INSYN2B: variants seen among roughly 807,000 people sequenced by gnomAD.
The protein encoded by INSYN2B is inhibitory synaptic factor family member 2B.
Under a neutral mutation model 41.2 loss-of-function variants are expected in INSYN2B, and 16 were observed. That is an observed-to-expected ratio of 0.39 (90% CI 0.26 to 0.59). The LOEUF (loss-of-function observed/expected upper bound fraction) is 0.59, where lower values mean the gene tolerates loss of function less well. INSYN2B is among the 20% of genes least tolerant of loss of function. INSYN2B has a pLI of 0.57. For synonymous variants in INSYN2B, 245 were observed against 244.4 expected (o/e 1.00, Z -0.02); for missense variants, 608 against 646.4 (o/e 0.94, Z 0.64).
At chr5:169,891,648 CTA>C (rs1773289208) in intron 1 of INSYN2B, among the ~76,000 whole-genome samples, 1 of 151,998 alleles carries the variant, frequency 6.6e-6, no homozygotes, top group African/African-American at 2.4e-5. Flanking sequence ...GATGGGGAAA[CTA>C]AGACTCTGAG....
At chr5:169,921,494 C>A (rs181632944) in intron 1 of INSYN2B, among the ~76,000 whole-genome samples, 1 of 152,198 alleles carries the variant, frequency 6.6e-6, no homozygotes, top group Non-Finnish European at 1.5e-5. Context: ...ACACTAAGCA[C>A]GTGGATCAAC....
intron 1 of INSYN2B, among the ~76,000 whole-genome samples, chr5:169,893,542 G>A (rs1429868677): frequency 6.6e-6 from 1 of 150,860 alleles, no homozygotes; most frequent in East Asian, 1.9e-4. Context: ...TTTTTCCTGG[G>A]GTCAAACACT....
chr5:169,975,011 T>C (rs117720451), intron 1 of INSYN2B, among the ~76,000 whole-genome samples: 47 of 152,162 alleles, frequency 3.1e-4, no homozygotes, highest in East Asian at 2.7e-3. Context: ...CCTCCAAAAG[T>C]AGGCTTCTGT....
chr5:169,875,876 G>T (rs1336073737), intron 3 of INSYN2B: 1 of 152,426 alleles, frequency 6.6e-6, no homozygotes, highest in Non-Finnish European at 1.5e-5. Flanking sequence ...CAATTATGAG[G>T]ATTTATTCTG....
chr5:169,933,247 C>T (rs181938847), intron 1 of INSYN2B, among the ~76,000 whole-genome samples: 11 of 152,356 alleles, frequency 7.2e-5, no homozygotes, highest in Admixed American at 5.9e-4. Flanking sequence ...GCTTCCCCTA[C>T]TTGGAGTGCA....
In INSYN2B at chr5:169,866,989, G is replaced by A. The variant is rs753496545; in HGVS notation, c.1422-2530C>T. Among the ~76,000 whole-genome samples, 16 of 152,282 alleles carry A rather than the reference G, an allele frequency of 1.1e-4. 1 individual carries two copies. In the South Asian group the frequency reaches 2.5e-3, roughly 24 times the overall value. Reference sequence around the variant, plus strand: ...AAGACTTCCCCCCACTTACAAGTCCGGGACCTTGGAACTTCTGACTGACTA... The same window carrying A: ...AAGACTTCCCCCCACTTACAAGTCCAGGACCTTGGAACTTCTGACTGACTA... On this transcript the variant is annotated intron_variant, in intron 3 of 3. Coordinates refer to ENST00000377365, the MANE Select transcript of INSYN2B (RefSeq NM_001129891.3).
rs545055037 is a variant in INSYN2B at position 169,863,426 on chromosome 5, T to C, written c.*847A>G. On this transcript the variant is annotated 3_prime_UTR_variant, in exon 4 of 4. Coordinates refer to ENST00000377365, the MANE Select transcript of INSYN2B (RefSeq NM_001129891.3). ...TTGCTGGATCTCATGATTTTAAATA[T>C]TGCAGGTAAGTTAACTATGGAGTCT... 6.6e-6 allele frequency among the ~76,000 whole-genome samples: 1 copy of C among 152,370 alleles called. No homozygotes were observed. Among genetic ancestry groups the C allele is most frequent in the Non-Finnish European group, 1.5e-5 (1 of 68,030 alleles).
At chr5:169,946,455 G>A (rs1776453119) in intron 1 of INSYN2B, among the ~76,000 whole-genome samples, 1 of 152,232 alleles carries the variant, frequency 6.6e-6, no homozygotes, top group African/African-American at 2.4e-5. Context: ...AAGGGCAGGA[G>A]TGTTTTGGAA....
At chr5:169,927,498 G>A (rs904086508) in intron 1 of INSYN2B, among the ~76,000 whole-genome samples, 1 of 152,188 alleles carries the variant, frequency 6.6e-6, no homozygotes, top group Non-Finnish European at 1.5e-5. Flanking sequence ...ACAGAAGGAT[G>A]TTTCATATAA....
At chr5:169,866,327 G>A (rs1349726256) in intron 3 of INSYN2B, among the ~76,000 whole-genome samples, 2 of 152,158 alleles carry the variant, frequency 1.3e-5, no homozygotes, top group East Asian at 1.9e-4. Flanking sequence ...ATGAAACATA[G>A]GCTGTGGTTT....
chr5:169,895,639 T>A (rs943957418), intron 1 of INSYN2B, among the ~76,000 whole-genome samples: 1 of 152,186 alleles, frequency 6.6e-6, no homozygotes. Flanking sequence ...CGTTACCTAT[T>A]GTAACCACAG....
intron 1 of INSYN2B, among the ~76,000 whole-genome samples, chr5:169,907,525 C>CG (rs1472066372): frequency 6.6e-6 from 1 of 152,136 alleles, no homozygotes; most frequent in Non-Finnish European, 1.5e-5. Flanking sequence ...CACCACTTAG[C>CG]GAAGACTAGT....
At chr5:169,880,150 C>T (rs908983332) in intron 3 of INSYN2B, among the ~76,000 whole-genome samples, 2 of 152,132 alleles carry the variant, frequency 1.3e-5, no homozygotes, top group African/African-American at 4.8e-5. Flanking sequence ...TCTTCCGGGG[C>T]CCTCTTTTTT....
chr5:169,870,780 C>G (rs1445128566), intron 3 of INSYN2B, among the ~76,000 whole-genome samples: 1 of 151,824 alleles, frequency 6.6e-6, no homozygotes, highest in Non-Finnish European at 1.5e-5. Context: ...AGGTTGTTGC[C>G]CATTTAAACA....
At chr5:169,867,577 A>G (rs144983053) in intron 3 of INSYN2B, among the ~76,000 whole-genome samples, 171 of 151,982 alleles carry the variant, frequency 1.1e-3, no homozygotes, top group African/African-American at 3.9e-3. Context: ...TCTATCATCT[A>G]TCTGTCATCT....
At chr5:169,957,582 C>G (rs952521359) in intron 1 of INSYN2B, among the ~76,000 whole-genome samples, 1 of 152,206 alleles carries the variant, frequency 6.6e-6, no homozygotes, top group African/African-American at 2.4e-5. Flanking sequence ...CTGCCTCTTT[C>G]TACTGCTAAA....
intron 1 of INSYN2B, among the ~76,000 whole-genome samples, chr5:169,913,791 G>C (rs560048944): frequency 2.3e-4 from 35 of 152,238 alleles, no homozygotes; most frequent in African/African-American, 8.2e-4. Context: ...GATCAATGAG[G>C]AATTAGATGC....
rs370919155 is a variant in INSYN2B at position 169,901,821 on chromosome 5, A to T, written c.-918-17005T>A. ...GGAGGGGTTTTCTGGACCCTCAGCC[A>T]TGTGCTATGGTGTTACCACCATGTT... is the stretch of plus-strand genomic sequence containing the variant. On this transcript the variant is annotated intron_variant, in intron 1 of 3. Transcript: ENST00000377365. 3.9e-5 allele frequency among the ~76,000 whole-genome samples: 6 copies of T among 152,342 alleles called. No homozygotes were observed. The South Asian group carries it at 6.2e-4, about 16-fold the overall frequency.
At chr5:169,936,633 A>G (rs141906346) in intron 1 of INSYN2B, among the ~76,000 whole-genome samples, 1,526 of 148,776 alleles carry the variant, frequency 0.01, 69 homozygotes, top group Admixed American at 0.086. Flanking sequence ...TCACTGGAGA[A>G]ACCAGTGTGG....
Sources: allele counts gnomAD v4.1 joint callset (sites outside exome capture counted in the v4.1 genomes callset), GRCh38; gene constraint gnomAD v4.1.1; transcripts MANE v1.5; gene names NCBI Gene and HGNC (gene_info 2026-07-23, HGNC 2026-07-21).